The following UBE2N variants were observed in gnomAD, a reference collection of about 807,000 sequenced individuals.
UBE2N encodes the protein ubiquitin conjugating enzyme E2 N.
For missense variants in UBE2N, 60 were observed against 192.1 expected (o/e 0.31, Z 4.07); for synonymous variants, 70 against 69.2 (o/e 1.01, Z -0.06).
intron 1 of UBE2N, among the ~76,000 whole-genome samples, chr12:93,427,857 G>A (rs1878642653): frequency 6.6e-6 from 1 of 152,190 alleles, no homozygotes; most frequent in African/African-American, 2.4e-5. Context: ...AGTAAGTGAA[G>A]GGAAAATAAA....
chr12:93,432,760 C>T (rs1227702490), intron 1 of UBE2N, among the ~76,000 whole-genome samples: 1 of 151,964 alleles, frequency 6.6e-6, no homozygotes, highest in Non-Finnish European at 1.5e-5. Context: ...GACAACATAG[C>T]CAGTTGTTTT....
In UBE2N at chr12:93,411,237, G is replaced by A. The variant is rs746889353; in HGVS notation, c.93C>T (p.Asn31=). 2.2e-5 allele frequency: 36 copies of A among 1,614,074 alleles called. No homozygotes were observed. Among genetic ancestry groups the A allele is most frequent in the Non-Finnish European group, 2.9e-5 (34 of 1,180,012 alleles). The part of the protein sequence containing the change: ...PGIKAEPDES[N]ARYFHVVIAG... ...CAATGACCACATGAAAATAACGGGCGTTGCTCTCATCTGGTTCGGCTTTGA... is the reference window on the plus strand; with the variant it reads ...CAATGACCACATGAAAATAACGGGCATTGCTCTCATCTGGTTCGGCTTTGA... The change falls in exon 2 of 4, where the codon AAC becomes AAT. Residue 31 remains asparagine, a synonymous_variant. Coordinates refer to ENST00000318066, the MANE Select transcript of UBE2N (RefSeq NM_003348.4).
At chr12:93,428,790 C>T (rs1217289162) in intron 1 of UBE2N, among the ~76,000 whole-genome samples, 3 of 152,218 alleles carry the variant, frequency 2.0e-5, no homozygotes, top group Non-Finnish European at 4.4e-5. Flanking sequence ...AGATTCTTGT[C>T]TTGGCATCCT....
intron 1 of UBE2N, among the ~76,000 whole-genome samples, chr12:93,441,557 C>A (rs959962598): frequency 1.3e-5 from 2 of 152,008 alleles, no homozygotes; most frequent in Non-Finnish European, 2.9e-5. Flanking sequence ...AGCCCAGAGA[C>A]CCCCAGCCTT....
In UBE2N at chr12:93,406,084, T is replaced by A. The variant is rs1877796039; in HGVS notation, c.*3955A>T. 1 of 151,952 alleles carries A rather than the reference T, an allele frequency of 6.6e-6. No individual in the cohort carries two copies. Among genetic ancestry groups the A allele is most frequent in the East Asian group, 1.9e-4 (1 of 5,174 alleles). The allele number at this position is 151,952 out of a possible 1,614,324, so 9.4% of individuals were successfully genotyped here. On this transcript the variant is annotated 3_prime_UTR_variant, in exon 4 of 4. Transcript: ENST00000318066. ...AGATGGAGACCATCCTGGCCCAACA[T>A]GGTGAAACCCCGTCTCTACTAAAAA...
chr12:93,438,653 A>G (rs1879008414), intron 1 of UBE2N, among the ~76,000 whole-genome samples: 1 of 152,202 alleles, frequency 6.6e-6, no homozygotes. Context: ...AACATGGTCT[A>G]TATTTTAAGA....
chr12:93,410,632 TTTTTC>T, intron 3 of UBE2N, 97 bp downstream of exon 3: 1 of 1,525,818 alleles, frequency 6.6e-7, no homozygotes, highest in African/African-American at 1.4e-5. Flanking sequence ...TTATTATACT[TTTTTC>T]TATTTCTTTT....
chr12:93,437,423 A>G (rs1878966752), intron 1 of UBE2N, among the ~76,000 whole-genome samples: 1 of 152,124 alleles, frequency 6.6e-6, no homozygotes, highest in Non-Finnish European at 1.5e-5. Context: ...AAGGGAATCA[A>G]GGTATTTGCA....
chr12:93,413,176 C>G (rs1367513583), intron 1 of UBE2N, among the ~76,000 whole-genome samples: 1 of 152,168 alleles, frequency 6.6e-6, no homozygotes, highest in Non-Finnish European at 1.5e-5. Flanking sequence ...CTTTATCTTA[C>G]CTAAATGCGA....
chr12:93,417,914 G>GT (rs1878270516), intron 1 of UBE2N, among the ~76,000 whole-genome samples: 3 of 152,090 alleles, frequency 2.0e-5, no homozygotes, highest in Non-Finnish European at 4.4e-5. Flanking sequence ...CACTAATAAA[G>GT]CAAGTCAATT....
chr12:93,428,322 A>C (rs1381873724), intron 1 of UBE2N, among the ~76,000 whole-genome samples: 1 of 152,238 alleles, frequency 6.6e-6, no homozygotes, highest in Admixed American at 6.5e-5. Context: ...CTGTGATCCA[A>C]GCATAGACAT....
At position 93,424,710 on chromosome 12, in the gene UBE2N, T is replaced by G. The variant is rs974744660; in HGVS notation, c.31-13411A>C. 3.3e-5 allele frequency among the ~76,000 whole-genome samples: 5 copies of G among 152,338 alleles called. 1 individual carries two copies. Among genetic ancestry groups the G allele is most frequent in the East Asian group, 1.9e-4 (1 of 5,186 alleles). ...AGTTATACAGTGAAATACTTTGGAT[T>G]AAAAAATAAAACTTCAATTTAGCAG... On this transcript the variant is annotated intron_variant, in intron 1 of 3. Transcript: ENST00000318066.
At chr12:93,441,128 G>A (rs947334083) in intron 1 of UBE2N, 2 of 152,472 alleles carry the variant, frequency 1.3e-5, no homozygotes, top group Non-Finnish European at 2.9e-5. Context: ...GAACAGCTCT[G>A]AAAGAGTTTG....
intron 1 of UBE2N, among the ~76,000 whole-genome samples, chr12:93,439,227 C>G (rs1350728119): frequency 1.3e-5 from 2 of 152,194 alleles, no homozygotes; most frequent in Admixed American, 6.5e-5. Flanking sequence ...TGGCTCACGC[C>G]TGTGATCCCA....
chr12:93,430,095 A>G (rs1878715544), intron 1 of UBE2N, among the ~76,000 whole-genome samples: 1 of 152,176 alleles, frequency 6.6e-6, no homozygotes, highest in African/African-American at 2.4e-5. Flanking sequence ...AGCTTCCTTC[A>G]TGGTTAAGTG....
At chr12:93,419,889 C>A (rs60764623) in intron 1 of UBE2N, among the ~76,000 whole-genome samples, 135 of 152,228 alleles carry the variant, frequency 8.9e-4, no homozygotes, top group African/African-American at 3.2e-3. Flanking sequence ...TTTTGTATTC[C>A]CTTTCTGCTT....
At chr12:93,437,556 G>A (rs1000976636) in intron 1 of UBE2N, among the ~76,000 whole-genome samples, 2 of 152,160 alleles carry the variant, frequency 1.3e-5, no homozygotes, top group East Asian at 1.9e-4. Context: ...TAGCACTTTG[G>A]GAGGCTGAGG....
chr12:93,433,911 A>G (rs1878844810), intron 1 of UBE2N, among the ~76,000 whole-genome samples: 2 of 152,248 alleles, frequency 1.3e-5, no homozygotes, highest in Admixed American at 1.3e-4. Context: ...AAAAAAGAAG[A>G]AGAACCGAAT....
rs143639219 is a variant in UBE2N at position 93,421,992 on chromosome 12, G to A, written c.31-10693C>T. ...GTGAGTTAGGATACTATTAATATAT[G>A]AAGAGCAGAACCAGATTACAGGGCT... On this transcript the variant is annotated intron_variant, in intron 1 of 3. Coordinates refer to ENST00000318066, the MANE Select transcript of UBE2N (RefSeq NM_003348.4). Among the ~76,000 whole-genome samples, 584 of 152,320 alleles carry A rather than the reference G, an allele frequency of 3.8e-3. 10 individuals are homozygous for A. The highest frequency in any genetic ancestry group is 0.034 in the Admixed American group (525 of 15,294).
Sources: gnomAD v4.1 joint callset for allele counts (sites outside exome capture counted in the v4.1 genomes callset) on GRCh38, gnomAD v4.1.1 for gene constraint, MANE v1.5 for transcripts, NCBI Gene and HGNC (gene_info 2026-07-23, HGNC 2026-07-21) for gene names.